The following PPL variants were observed in gnomAD, a reference collection of about 807,000 sequenced individuals.
PPL encodes periplakin.
In PPL, 198 loss-of-function variants were observed where a neutral mutation model predicts 194.4. The ratio of observed to expected loss-of-function variants is 1.02; its 90% confidence interval spans 0.91 to 1.15. PPL has a LOEUF of 1.15. PPL is among the 50% of genes most tolerant of loss of function. The pLI is 0.00. For synonymous variants in PPL, 1,220 were observed against 972.4 expected, an observed-to-expected ratio of 1.25 and a Z score of -4.74; for missense variants, 2,885 against 2,294.8, an observed-to-expected ratio of 1.26 and a Z score of -5.25.
chr16:4,901,080 T>A lies in PPL; in HGVS notation c.448A>T (p.Asn150Tyr), dbSNP rs758260882. The change falls in exon 5 of 22, where the codon AAC becomes TAC. Residue 150 changes from asparagine (N) to tyrosine (Y), a missense_variant. By Grantham distance (143) the Asn-to-Tyr change is moderately radical. Coordinates refer to ENST00000345988, the MANE Select transcript of PPL (RefSeq NM_002705.5). ...AGGTCAGTCCCAAAGCTCTGGTTGT[T>A]CAGCTTGTCCTGGCCAGGAGGGCAG... ...ALVEEKLDKL[N>Y]NQSFGTDLPL... 5.0e-6 allele frequency: 8 copies of A among 1,614,176 alleles called. No homozygotes were observed. The East Asian group carries it at 1.8e-4, about 36-fold the overall frequency.
chr16:4,930,557 C>T (rs186338206), intron 1 of PPL, among the ~76,000 whole-genome samples: 96 of 152,256 alleles, frequency 6.3e-4, no homozygotes, highest in African/African-American at 2.1e-3. Context: ...TCATTCAGCA[C>T]GCGTGTAGCA....
At chr16:4,889,207 A>C (rs1412089928) in intron 18 of PPL, 146 bp from the exon 19 acceptor site, 1 of 336,652 alleles carries the variant, frequency 3.0e-6, no homozygotes, top group African/African-American at 3.2e-5. Flanking sequence ...ATACATTTTT[A>C]TTCATTGCAA....
intron 2 of PPL, among the ~76,000 whole-genome samples, chr16:4,908,801 A>G (rs1235087422): frequency 6.6e-6 from 1 of 152,214 alleles, no homozygotes; most frequent in Non-Finnish European, 1.5e-5. Context: ...TAGGCCTCCC[A>G]AAGTGCTGAG....
rs1567978502 is a variant in PPL, at chr16:4,883,519, G to T, written c.5136C>A (p.Asp1712Glu). ...TGGAGAACTTCTTGCCAGACTTCCT[G>T]TCGTGTATCACTGAGGACTCCCCAT... is the stretch of plus-strand genomic sequence containing the variant. The part of the protein sequence containing the change: ...GPNGESSVIH[D>E]RKSGKKFSIE... Residue 1712 changes from aspartate (D) to glutamate (E), a missense_variant, in exon 22 of 22, where the codon GAC (aspartate) becomes GAA (glutamate). Asp to Glu is a conservative substitution (Grantham distance 45, BLOSUM62 2). Transcript: ENST00000345988. The surrounding 1 kb of genome is among the most constrained non-coding windows in gnomAD (Gnocchi z 4.8). The T allele has an allele frequency of 1.2e-6, 2 of 1,614,202 alleles. No homozygotes were observed. Among genetic ancestry groups the T allele is most frequent in the Non-Finnish European group, 1.7e-6 (2 of 1,180,038 alleles).
Position 4,910,879 on chromosome 16 carries a change from T to C in PPL, c.133A>G (p.Ile45Val), listed in dbSNP as rs1470286925. ...QKNADQVEKN[I>V]VDTEAKMQSD... The stretch of plus-strand genomic sequence containing the variant: ...TGCATCTTGGCCTCTGTGTCCACGA[T>C]GTTCTTCTCCACCTGGTCGGCATTC... The change falls in exon 2 of 22, where the codon ATC (isoleucine) becomes GTC (valine). Residue 45 changes from isoleucine (I) to valine (V), a missense_variant. Transcript: ENST00000345988. 1.2e-6 allele frequency: 2 copies of C among 1,613,826 alleles called. No homozygotes were observed. The highest frequency in any genetic ancestry group is 1.7e-6 in the Non-Finnish European group (2 of 1,179,984).
At position 4,895,599 on chromosome 16, in the gene PPL, G is replaced by A. The variant is rs769021645; in HGVS notation, c.1090C>T (p.Leu364=). 6.2e-7 allele frequency: 1 copy of A among 1,613,914 alleles called. No homozygotes were observed. Among genetic ancestry groups the A allele is most frequent in the African/African-American group, 1.3e-5 (1 of 75,052 alleles). The change falls in exon 10 of 22, where the codon CTG becomes TTG. Residue 364 remains leucine, a synonymous_variant. Coordinates refer to ENST00000345988, the MANE Select transcript of PPL (RefSeq NM_002705.5). ...RYQIELLLRE[L]DDQEKVLDKY... is the part of the protein sequence containing the mutation. ...GGTCCTGGGCCATCGCTCACATCCA[G>A]CTCCCGCAGCAGCAGCTCAATCTGG...
At chr16:4,924,098 T>C (rs909975845) in intron 1 of PPL, among the ~76,000 whole-genome samples, 1 of 152,200 alleles carries the variant, frequency 6.6e-6, no homozygotes, top group African/African-American at 2.4e-5. Flanking sequence ...AGGTATTAAG[T>C]TGCTTTGTAT....
chr16:4,888,143 T>G lies in PPL; in HGVS notation c.2473A>C (p.Arg825=). ...GTGGCAGGAGATTGGAGCCTGGCTC[T>G]CTTGCTCACGTGGCTTCTCCTTCCA... ...ENGRRSHVSK[R]ARLQSPATKV... The change falls in exon 20 of 22, where the codon AGA becomes CGA. Residue 825 remains arginine (R), a synonymous_variant. Transcript: ENST00000345988. 6.2e-7 allele frequency: 1 copy of G among 1,614,024 alleles called. No homozygotes were observed. Among genetic ancestry groups the G allele is most frequent in the African/African-American group, 1.3e-5 (1 of 75,062 alleles).
intron 2 of PPL, among the ~76,000 whole-genome samples, chr16:4,904,396 C>T (rs1596561991): frequency 6.6e-6 from 1 of 152,134 alleles, no homozygotes; most frequent in East Asian, 1.9e-4. Flanking sequence ...TCTGCAAGGC[C>T]ACCAGGAAGG....
At position 4,895,635 on chromosome 16, in the gene PPL, T is replaced by C; in HGVS notation, c.1054A>G (p.Lys352Glu). The C allele has an allele frequency of 2.5e-6, 4 of 1,614,048 alleles. No homozygotes were observed. Among genetic ancestry groups the C allele is most frequent in the Non-Finnish European group, 3.4e-6 (4 of 1,180,020 alleles). ...DLNQKYGPDF[K>E]DRYQIELLLR... is the part of the protein sequence containing the mutation. ...AGCAGCTCAATCTGGTACCGGTCCT[T>C]GAAGTCAGGGCCATACTTCTGGTTC... Residue 352 changes from lysine to glutamate, a missense_variant, in exon 10 of 22, where the codon AAG (lysine) becomes GAG (glutamate). Coordinates refer to ENST00000345988, the MANE Select transcript of PPL (RefSeq NM_002705.5).
In PPL at chr16:4,902,576, A is replaced by G. The variant is rs1162217808; in HGVS notation, c.318-50T>C. 2.5e-6 allele frequency: 4 copies of G among 1,586,988 alleles called. No homozygotes were observed. Among genetic ancestry groups the G allele is most frequent in the Non-Finnish European group, 3.4e-6 (4 of 1,165,494 alleles). The stretch of plus-strand genomic sequence containing the variant: ...AGTGGGGCTGGTTGGCACTGCCTGC[A>G]CCCCAGGAGGGGCCCCCCACCCAGA... On this transcript the variant is annotated intron_variant, in intron 3 of 21. Coordinates refer to ENST00000345988, the MANE Select transcript of PPL (RefSeq NM_002705.5). This position sits in a 1 kb window ranked among gnomAD's most constrained non-coding sequence, Gnocchi z 4.0.
At chr16:4,908,978 C>T (rs1444094069) in intron 2 of PPL, among the ~76,000 whole-genome samples, 2 of 152,212 alleles carry the variant, frequency 1.3e-5, no homozygotes, top group Non-Finnish European at 2.9e-5. Context: ...AGAAATCCAC[C>T]ACCACAGGGG....
At chr16:4,893,752 T>A in intron 12 of PPL, 114 bp from the exon 13 acceptor site, 5 of 810,158 alleles carry the variant, frequency 6.2e-6, no homozygotes, top group Non-Finnish European at 9.7e-6. Flanking sequence ...TGACAGCTCC[T>A]TAGATGCGGA....
chr16:4,893,524 G>T lies in PPL; in HGVS notation c.1492+17C>A. On this transcript the variant is annotated intron_variant, in intron 13 of 21. Coordinates refer to ENST00000345988, the MANE Select transcript of PPL (RefSeq NM_002705.5). ...CCGGTACCCCCAGAGCCTCAGGCGA[G>T]TGGCCCTGGCACCCACCTCCGGGAT... 1 of 1,611,276 alleles carries T rather than the reference G, an allele frequency of 6.2e-7. No homozygotes were observed. The highest frequency in any genetic ancestry group is 8.5e-7 in the Non-Finnish European group (1 of 1,179,120).
chr16:4,910,407 C>A (rs905582936), intron 2 of PPL, among the ~76,000 whole-genome samples: 5 of 152,190 alleles, frequency 3.3e-5, no homozygotes, highest in Non-Finnish European at 5.9e-5. Context: ...GAATCTCGTT[C>A]ATGGGGAGGT....
At chr16:4,921,112 G>C (rs569457372) in intron 1 of PPL, among the ~76,000 whole-genome samples, 2 of 152,308 alleles carry the variant, frequency 1.3e-5, no homozygotes, top group African/African-American at 4.8e-5. Flanking sequence ...TTCCTTCTGG[G>C]CTGGGGATGC....
At chr16:4,909,578 C>T (rs1008437676) in intron 2 of PPL, among the ~76,000 whole-genome samples, 1 of 152,048 alleles carries the variant, frequency 6.6e-6, no homozygotes, top group Non-Finnish European at 1.5e-5. Flanking sequence ...AGGTGTGCAC[C>T]ACCACGCCCA....
At chr16:4,928,365 G>A (rs1345059028) in intron 1 of PPL, among the ~76,000 whole-genome samples, 2 of 152,320 alleles carry the variant, frequency 1.3e-5, no homozygotes, top group Admixed American at 6.5e-5. Flanking sequence ...CACTGTGCCC[G>A]GCCATCTCAG....
intron 10 of PPL, 45 bp from the exon 11 acceptor site, chr16:4,895,452 C>T: frequency 1.2e-6 from 2 of 1,607,104 alleles, no homozygotes; most frequent in Non-Finnish European, 1.7e-6. Context: ...CAACAGCCTT[C>T]CCCCTGGTGG....
Sources: allele counts gnomAD v4.1 joint callset (sites outside exome capture counted in the v4.1 genomes callset), GRCh38; gene constraint gnomAD v4.1.1; non-coding constraint Gnocchi (gnomAD v3.1); transcripts MANE v1.5; gene names NCBI Gene and HGNC (gene_info 2026-07-23, HGNC 2026-07-21).